The following SUGP2 variants were observed in gnomAD, a reference collection of about 807,000 sequenced individuals.
The protein encoded by SUGP2 is SURP and G-patch domain containing 2.
A neutral mutation model predicts 90.5 loss-of-function variants in SUGP2; 24 were observed. The observed-to-expected ratio is 0.27, with a 90% CI of 0.19 to 0.37. The LOEUF (loss-of-function observed/expected upper bound fraction) is 0.37. SUGP2 is among the 10% of genes least tolerant of loss of function. The pLI, the probability that SUGP2 is intolerant of heterozygous loss-of-function variation, is 1.00. For synonymous variants in SUGP2, 473 were observed against 513.4 expected, an observed-to-expected ratio of 0.92 and a Z score of 1.06; for missense variants, 1,233 against 1,363.3, an observed-to-expected ratio of 0.90 and a Z score of 1.51.
intron 8 of SUGP2, among the ~76,000 whole-genome samples, chr19:19,000,094 G>A (rs1213510032): frequency 6.6e-6 from 1 of 152,162 alleles, no homozygotes; most frequent in East Asian, 1.9e-4. Context: ...GGTCCCAGAG[G>A]TACCCTCCCT....
chr19:19,031,182 C>A, intron 1 of SUGP2, 100 bp from the exon 2 acceptor site: 2 of 1,291,870 alleles, frequency 1.5e-6, no homozygotes, highest in South Asian at 1.4e-5. Context: ...TCGAGGTGGG[C>A]GGATCACCTG....
chr19:19,015,668 T>C (rs2058473313), intron 4 of SUGP2, among the ~76,000 whole-genome samples: 1 of 152,126 alleles, frequency 6.6e-6, no homozygotes, highest in African/African-American at 2.4e-5. Context: ...CATGCCCAGC[T>C]AATTTTTTGT....
chr19:19,033,539 C>G (rs1365640355), upstream of SUGP2: 1 of 1,324,730 alleles, frequency 7.5e-7, no homozygotes, highest in Non-Finnish European at 9.7e-7. Flanking sequence ...CCAACGGTCT[C>G]CGCAGCGCCG....
intron 2 of SUGP2, among the ~76,000 whole-genome samples, chr19:19,029,705 C>T (rs187191563): frequency 4.8e-4 from 72 of 150,834 alleles, no homozygotes; most frequent in African/African-American, 1.5e-3. Flanking sequence ...TCTGGGAGGC[C>T]GAGGCGGGCA....
intron 8 of SUGP2, among the ~76,000 whole-genome samples, chr19:18,998,530 C>T (rs1041338859): frequency 1.3e-5 from 2 of 152,150 alleles, no homozygotes; most frequent in African/African-American, 4.8e-5. Flanking sequence ...AGGGAAATTC[C>T]CTTTGTTCTC....
chr19:18,999,442 G>C (rs2057743686), intron 8 of SUGP2, among the ~76,000 whole-genome samples: 1 of 152,226 alleles, frequency 6.6e-6, no homozygotes, highest in Admixed American at 6.5e-5. Context: ...TACACGCCAA[G>C]GTTACAAAAC....
At chr19:18,994,098 T>G (rs1362968309) in intron 10 of SUGP2, 1 of 357,652 alleles carries the variant, frequency 2.8e-6, no homozygotes, top group Non-Finnish European at 5.1e-6. Flanking sequence ...CTGGAGGCCT[T>G]GAGGGGCTCA....
chr19:19,007,755 CTTTTTTTTTTT>C (rs34670209), intron 6 of SUGP2, among the ~76,000 whole-genome samples: 6 of 113,406 alleles, frequency 5.3e-5, no homozygotes, highest in Admixed American at 9.5e-5. Flanking sequence ...TGCACCTAGC[CTTTTTTTTTTT>C]TTTTTTTTTT....
intron 4 of SUGP2, among the ~76,000 whole-genome samples, chr19:19,017,927 C>CTTTTTTTT (rs1264966084): frequency 8.6e-5 from 12 of 140,090 alleles, no homozygotes; most frequent in African/African-American, 3.2e-4. Context: ...CTGATCATCA[C>CTTTTTTTT]TTTTTTTTTT....
Position 19,031,015 on chromosome 19 carries a change from G to C in SUGP2, c.57C>G (p.Ala19=), listed in dbSNP as rs780032895. The C allele has an allele frequency of 6.2e-7, 1 of 1,613,956 alleles. No homozygotes were observed. The highest frequency in any genetic ancestry group is 8.5e-7 in the Non-Finnish European group (1 of 1,179,982). ...CACTGGCATCCATGTGATATCGTTT[G>C]GCTTTTTCTTGTAATACAGCATCAA... The part of the protein sequence containing the change: ...ETFDAVLQEK[A]KRYHMDASGE... The change falls in exon 2 of 11, where the codon GCC becomes GCG. Residue 19 remains alanine (A), a synonymous_variant. Coordinates refer to ENST00000452918, the MANE Select transcript of SUGP2 (RefSeq NM_001017392.5).
chr19:19,002,304 C>T lies in SUGP2; in HGVS notation c.2930-630G>A, dbSNP rs986136954. ...CTGAGGCAGGAGAATAACTTGAACC[C>T]GGGAGGCAGAGGTTGTAGTGAGCCG... is the stretch of plus-strand genomic sequence containing the variant. On this transcript the variant is annotated intron_variant, in intron 7 of 10. Transcript: ENST00000452918. 8.6e-5 allele frequency among the ~76,000 whole-genome samples: 13 copies of T among 151,338 alleles called. 1 individual carries two copies. Among genetic ancestry groups the T allele is most frequent in the Admixed American group, 4.0e-4 (6 of 15,180 alleles).
At chr19:19,020,438 A>C (rs1287007122) in intron 3 of SUGP2, among the ~76,000 whole-genome samples, 2 of 149,262 alleles carry the variant, frequency 1.3e-5, no homozygotes, top group Non-Finnish European at 3.0e-5. Context: ...TCTCAAAAAA[A>C]AAAAAAGGCA....
chr19:19,012,838 T>C (rs1198534866), intron 4 of SUGP2, among the ~76,000 whole-genome samples: 1 of 152,236 alleles, frequency 6.6e-6, no homozygotes, highest in Non-Finnish European at 1.5e-5. Context: ...ATTCATCCAA[T>C]TCCTCTTATC....
chr19:19,033,633 T>G (rs1219657339), upstream of SUGP2: 1 of 1,120,482 alleles, frequency 8.9e-7, no homozygotes, highest in Non-Finnish European at 1.1e-6. Context: ...AAGCGCGCTG[T>G]CCGCTTCTTC....
At chr19:19,001,466 A>G (rs2057829650) in intron 8 of SUGP2, 147 bp downstream of exon 8, 2 of 816,488 alleles carry the variant, frequency 2.4e-6, no homozygotes, top group South Asian at 1.6e-5. Context: ...AGCCCTCCCA[A>G]GAGAAAAGTC....
intron 3 of SUGP2, among the ~76,000 whole-genome samples, chr19:19,023,999 A>G (rs1349787871): frequency 2.0e-5 from 3 of 152,232 alleles, no homozygotes; most frequent in Non-Finnish European, 4.4e-5. Context: ...AAAGGTACGA[A>G]TCCCCCGGAT....
chr19:18,994,027 A>G, intron 10 of SUGP2: 1 of 184,160 alleles, frequency 5.4e-6, no homozygotes, highest in Admixed American at 6.1e-5. Flanking sequence ...GTGAGAGAAA[A>G]CTTGAGCAAG....
chr19:19,009,459 G>A (rs1484078476), intron 5 of SUGP2, among the ~76,000 whole-genome samples: 1 of 152,176 alleles, frequency 6.6e-6, no homozygotes, highest in African/African-American at 2.4e-5. Context: ...CAGGAACTGT[G>A]GAGACCCTGG....
chr19:19,017,168 G>A (rs565705395), intron 4 of SUGP2, among the ~76,000 whole-genome samples: 1 of 152,182 alleles, frequency 6.6e-6, no homozygotes, highest in Non-Finnish European at 1.5e-5. Flanking sequence ...CTGGGCAACA[G>A]AGTGAGATCC....
Sources: allele counts gnomAD v4.1 joint callset (sites outside exome capture counted in the v4.1 genomes callset), GRCh38; gene constraint gnomAD v4.1.1; transcripts MANE v1.5; gene names NCBI Gene and HGNC (gene_info 2026-07-23, HGNC 2026-07-21).